The following NRM variants were observed in gnomAD, a reference collection of about 807,000 sequenced individuals.
The protein encoded by NRM is nuclear rim protein.
In NRM, 19 loss-of-function variants were observed where a neutral mutation model predicts 23.4. That is an observed-to-expected ratio of 0.81 (90% CI 0.57 to 1.19). The LOEUF (loss-of-function observed/expected upper bound fraction) is 1.19. Among genes scored for constraint, NRM ranks in the 50% most tolerant of loss-of-function variants. The probability of loss-of-function intolerance (pLI) is 0.00; values close to 1 mark genes in which losing one functional copy is unlikely to be tolerated. For synonymous variants in NRM, 140 were observed against 143.5 expected (o/e 0.98, Z 0.17); for missense variants, 232 against 329.7 (o/e 0.70, Z 2.30).
rs772929913 is a variant in NRM at position 30,689,370 on chromosome 6, G to A, written c.413C>T (p.Pro138Leu). 17 of 1,561,040 alleles carry A rather than the reference G, an allele frequency of 1.1e-5. No homozygotes were observed. Among genetic ancestry groups the A allele is most frequent in the South Asian group, 7.1e-5 (6 of 84,638 alleles). The change falls in exon 3 of 4, where the codon CCG (proline) becomes CTG (leucine). Residue 138 changes from proline (P) to leucine (L), a missense_variant. Coordinates refer to ENST00000376421, the MANE Select transcript of NRM (RefSeq NM_001384369.1). This position sits in a 1 kb window ranked among gnomAD's most constrained non-coding sequence, Gnocchi z 4.7. ...ARAEPWATWVPLLCFVLHVIS... is the reference protein window; with the variant it reads ...ARAEPWATWVLLLCFVLHVIS... The stretch of plus-strand genomic sequence containing the variant: ...GACATGGAGCACAAAGCAGAGGAGC[G>A]GCACCCAGGTGGCCCATGGCTCAGC...
chr6:30,690,989 G>A (rs1447066606), upstream of NRM: 2 of 1,600,198 alleles, frequency 1.2e-6, no homozygotes, highest in Non-Finnish European at 1.7e-6. The surrounding 1 kb of genome is among the most constrained non-coding windows in gnomAD (Gnocchi z 5.5). Context: ...AGAAATGGAG[G>A]GGTGGGGAAA....
chr6:30,690,256 G>T lies in NRM; in HGVS notation c.134-13C>A. 6.4e-7 allele frequency: 1 copy of T among 1,559,210 alleles called. No individual in the cohort carries two copies. Among genetic ancestry groups the T allele is most frequent in the East Asian group, 2.3e-5 (1 of 43,908 alleles). On this transcript the variant is annotated splice_polypyrimidine_tract_variant and intron_variant, in intron 1 of 3. Transcript: ENST00000376421. The surrounding 1 kb of genome is among the most constrained non-coding windows in gnomAD (Gnocchi z 5.5). ...CCCTGGCGGGCATCTACAGGAAGTT[G>T]AGGGAAAAAGAGACAAAAGATCGAA...
In NRM at chr6:30,688,446, TTGC is replaced by T. The variant is rs1771179182; in HGVS notation, c.*212_*214del. On this transcript the variant is annotated 3_prime_UTR_variant, in exon 4 of 4. Coordinates refer to ENST00000376421, the MANE Select transcript of NRM (RefSeq NM_001384369.1). This position sits in a 1 kb window ranked among gnomAD's most constrained non-coding sequence, Gnocchi z 5.9. ...GATGACTTCCATACCCCACTCTTCC[TTGC>T]TGGTGAGAAGTGGACCTTGGAGTTC... 1 of 610,274 alleles carries T rather than the reference TTGC, an allele frequency of 1.6e-6. No individual in the cohort carries two copies. The highest frequency in any genetic ancestry group is 1.9e-5 in the African/African-American group (1 of 54,034). The allele number at this position is 610,274 out of a possible 1,614,324, so 37.8% of individuals were successfully genotyped here.
Position 30,690,465 on chromosome 6 carries a change from CAT to C in NRM, c.134-224_134-223del, listed in dbSNP as rs1242897362. On this transcript the variant is annotated intron_variant, in intron 1 of 3. Transcript: ENST00000376421. The surrounding 1 kb of genome is among the most constrained non-coding windows in gnomAD (Gnocchi z 5.5). ...GGGGAAGAGGATTTATAGAACACCA[CAT>C]GTTAGGCAGTTGCAAAAAGCATGGC... The C allele has an allele frequency of 6.1e-5, 80 of 1,302,294 alleles. No individual in the cohort carries two copies. Among genetic ancestry groups the C allele is most frequent in the Middle Eastern group, 2.5e-4 (1 of 3,946 alleles). The allele number at this position is 1,302,294 out of a possible 1,614,324, so 80.7% of individuals were successfully genotyped here.
upstream of NRM, chr6:30,691,080 C>T: frequency 3.0e-6 from 4 of 1,312,998 alleles, no homozygotes; most frequent in Non-Finnish European, 4.1e-6. Flanking sequence ...GAGGGCGGGG[C>T]TCCTGCACGC....
In NRM at chr6:30,689,398, G is replaced by T. The variant is rs200616655; in HGVS notation, c.385C>A (p.Arg129=). The change falls in exon 3 of 4, where the codon CGG becomes AGG. Residue 129 remains arginine (R), a synonymous_variant. Coordinates refer to ENST00000376421, the MANE Select transcript of NRM (RefSeq NM_001384369.1). The surrounding 1 kb of genome is among the most constrained non-coding windows in gnomAD (Gnocchi z 4.7). ...ACCCAGGTGGCCCATGGCTCAGCCC[G>T]AGCCTCCCACAACACAGGGCCTTTG... ...IPKGPVLWEA[R]AEPWATWVPL... 150 of 1,570,414 alleles carry T rather than the reference G, an allele frequency of 9.6e-5. 1 individual carries two copies. The South Asian group carries it at 1.7e-3, about 17-fold the overall frequency.
chr6:30,690,930 G>GA lies in NRM; in HGVS notation c.44dup (p.Ile16HisfsTer68), dbSNP rs748494199. On this transcript the variant is annotated frameshift_variant, in exon 1 of 4. Coordinates refer to ENST00000376421, the MANE Select transcript of NRM (RefSeq NM_001384369.1). LOFTEE classifies it high-confidence loss of function. The surrounding 1 kb of genome is among the most constrained non-coding windows in gnomAD (Gnocchi z 5.5). ...CCACTCCGGTGCCAAAGGCCAGGAT[G>GA]AAAGAGGCGAGGGCAGCAGGGATCA... 1.9e-5 allele frequency: 29 copies of GA among 1,563,666 alleles called. No homozygotes were observed. Among genetic ancestry groups the GA allele is most frequent in the Non-Finnish European group, 2.2e-5 (25 of 1,149,448 alleles).
Position 30,689,999 on chromosome 6 carries a change from G to A in NRM, c.330+48C>T. The stretch of plus-strand genomic sequence containing the variant: ...CCCCTCCCACACTTGGTCTCCCTTG[G>A]GGACTCAACTGCCAGGATTTCATAC... On this transcript the variant is annotated intron_variant, in intron 2 of 3. Transcript: ENST00000376421. This position sits in a 1 kb window ranked among gnomAD's most constrained non-coding sequence, Gnocchi z 4.7. 6.3e-7 allele frequency: 1 copy of A among 1,577,922 alleles called. No homozygotes were observed.
chr6:30,691,226 T>C (rs143558175), upstream of NRM: 7,127 of 468,510 alleles, frequency 0.015, 89 homozygotes, highest in Non-Finnish European at 0.022. Context: ...CTGTTAAGGG[T>C]AGCGGCTCTG....
Position 30,690,352 on chromosome 6 carries a change from A to G in NRM, c.134-109T>C, listed in dbSNP as rs768496091. 1.3e-5 allele frequency: 15 copies of G among 1,135,080 alleles called. No individual in the cohort carries two copies. Among genetic ancestry groups the G allele is most frequent in the African/African-American group, 3.1e-5 (2 of 63,576 alleles). The allele number at this position is 1,135,080 out of a possible 1,614,324, so 70.3% of individuals were successfully genotyped here. A position where few individuals can be genotyped will look rare whatever the true frequency, so the allele number is the denominator to read the frequency against. On this transcript the variant is annotated intron_variant, in intron 1 of 3. Transcript: ENST00000376421. The surrounding 1 kb of genome is among the most constrained non-coding windows in gnomAD (Gnocchi z 5.5). ...CAGGCCATGTCCCTTACTGCTTTCA[A>G]GAGCCTTAATGCTTCCTCTCTAGGC...
In NRM at chr6:30,690,826, G is replaced by T. The variant is rs764338215; in HGVS notation, c.133+16C>A. 33 of 1,612,706 alleles carry T rather than the reference G, an allele frequency of 2.0e-5. No homozygotes were observed. The South Asian group carries it at 2.2e-4, about 11-fold the overall frequency. ...ACCTTCCTCCTCCCAGTTCATCCTC[G>T]ATCCCTCCCGCTCACCCGGACCACC... On this transcript the variant is annotated intron_variant, in intron 1 of 3. Coordinates refer to ENST00000376421, the MANE Select transcript of NRM (RefSeq NM_001384369.1). This position sits in a 1 kb window ranked among gnomAD's most constrained non-coding sequence, Gnocchi z 5.5.
Position 30,688,535 on chromosome 6 carries a change from G to C in NRM, c.*126C>G. On this transcript the variant is annotated 3_prime_UTR_variant, in exon 4 of 4. Transcript: ENST00000376421. The surrounding 1 kb of genome is among the most constrained non-coding windows in gnomAD (Gnocchi z 5.9). ...GACCCAGAGAATAAAGTCTCAAGTA[G>C]TAGAAGGGGCATCTCCTTCAGTCCA... The C allele has an allele frequency of 3.7e-6, 4 of 1,073,632 alleles. No individual in the cohort carries two copies. The South Asian group carries it at 4.6e-5, about 12-fold the overall frequency. The allele number at this position is 1,073,632 out of a possible 1,614,324, so 66.5% of individuals were successfully genotyped here. A position where few individuals can be genotyped will look rare whatever the true frequency, so the allele number is the denominator to read the frequency against.
chr6:30,690,988 G>A, upstream of NRM: 1 of 1,601,890 alleles, frequency 6.2e-7, no homozygotes, highest in Non-Finnish European at 8.5e-7. The surrounding 1 kb of genome is among the most constrained non-coding windows in gnomAD (Gnocchi z 5.5). Context: ...GAGAAATGGA[G>A]GGGTGGGGAA....
chr6:30,690,278 C>T lies in NRM; in HGVS notation c.134-35G>A. ...GTTGAGGGAAAAAGAGACAAAAGAT[C>T]GAAACAGTGGCAGAATGTTTCCCCC... On this transcript the variant is annotated intron_variant, in intron 1 of 3. Transcript: ENST00000376421. The surrounding 1 kb of genome is among the most constrained non-coding windows in gnomAD (Gnocchi z 5.5). 5.2e-6 allele frequency: 8 copies of T among 1,534,820 alleles called. No homozygotes were observed. Among genetic ancestry groups the T allele is most frequent in the Non-Finnish European group, 7.0e-6 (8 of 1,142,542 alleles).
In NRM at chr6:30,689,517, C is replaced by A; in HGVS notation, c.331-65G>T. ...TCTGCCCGACCTTGGGAGACCCAGA[C>A]CCAGATCTGCCCCCACCACAGGCTA... On this transcript the variant is annotated intron_variant, in intron 2 of 3. Transcript: ENST00000376421. This position sits in a 1 kb window ranked among gnomAD's most constrained non-coding sequence, Gnocchi z 4.7. 6.9e-7 allele frequency: 1 copy of A among 1,440,772 alleles called. No homozygotes were observed. The highest frequency in any genetic ancestry group is 1.4e-5 in the South Asian group (1 of 71,290). The allele number at this position is 1,440,772 out of a possible 1,614,324, so 89.2% of individuals were successfully genotyped here.
chr6:30,691,264 C>G (rs894945302), upstream of NRM: 1 of 383,222 alleles, frequency 2.6e-6, no homozygotes. Flanking sequence ...TGAATCTCAG[C>G]TCGTCTAGTT....
In NRM at chr6:30,690,752, C is replaced by T; in HGVS notation, c.133+90G>A. On this transcript the variant is annotated intron_variant, in intron 1 of 3. Transcript: ENST00000376421. The surrounding 1 kb of genome is among the most constrained non-coding windows in gnomAD (Gnocchi z 5.5). Reference sequence around the variant, plus strand: ...TTCGAGTTCCCTCTCTTGGACTTCCCCTGTCATTTGTTTCCAAGCCCCGCC... The same window carrying T: ...TTCGAGTTCCCTCTCTTGGACTTCCTCTGTCATTTGTTTCCAAGCCCCGCC... 1 of 1,611,618 alleles carries T rather than the reference C, an allele frequency of 6.2e-7. No individual in the cohort carries two copies. Among genetic ancestry groups the T allele is most frequent in the Non-Finnish European group, 8.5e-7 (1 of 1,179,310 alleles).
At position 30,690,751 on chromosome 6, in the gene NRM, C is replaced by G. The variant is rs770476529; in HGVS notation, c.133+91G>C. 3 of 1,611,534 alleles carry G rather than the reference C, an allele frequency of 1.9e-6. No homozygotes were observed. Among genetic ancestry groups the G allele is most frequent in the Admixed American group, 3.3e-5 (2 of 59,946 alleles). On this transcript the variant is annotated intron_variant, in intron 1 of 3. Transcript: ENST00000376421. This position sits in a 1 kb window ranked among gnomAD's most constrained non-coding sequence, Gnocchi z 5.5. Reference sequence around the variant, plus strand: ...GTTCGAGTTCCCTCTCTTGGACTTCCCCTGTCATTTGTTTCCAAGCCCCGC... The same window carrying G: ...GTTCGAGTTCCCTCTCTTGGACTTCGCCTGTCATTTGTTTCCAAGCCCCGC...
At chr6:30,691,054 G>A (rs778148394), upstream of NRM, 170 of 1,498,452 alleles carry the variant, frequency 1.1e-4, no homozygotes, top group Non-Finnish European at 1.4e-4. Context: ...CCCGCCCCCG[G>A]CTGAATCCAG....
Sources: gnomAD v4.1 joint callset for allele counts on GRCh38, gnomAD v4.1.1 for gene constraint, Gnocchi (gnomAD v3.1) non-coding constraint, MANE v1.5 for transcripts, NCBI Gene and HGNC (gene_info 2026-07-23, HGNC 2026-07-21) for gene names.